LOC128706665: variants seen among roughly 807,000 people sequenced by gnomAD.
the LOC128706665 span, among the ~76,000 whole-genome samples, chr20:10,430,427 CTG>C: frequency 4.7e-5 from 2 of 42,986 alleles, no homozygotes; most frequent in South Asian, 1.6e-3. Context: ...GGCACTTTGT[CTG>C]GGCTCAGTAA....
chr20:10,430,664 G>C, the LOC128706665 span, among the ~76,000 whole-genome samples: 19 of 152,282 alleles, frequency 1.2e-4, no homozygotes, highest in Non-Finnish European at 2.2e-4. Context: ...GTTTGACTAG[G>C]GTAGTGAATC....
chr20:10,426,827 G>A, the LOC128706665 span, among the ~76,000 whole-genome samples: 1 of 152,294 alleles, frequency 6.6e-6, no homozygotes, highest in South Asian at 2.1e-4. Flanking sequence ...GGGCAAAAGA[G>A]TCTATATCCT....
At chr20:10,420,251 C>T in the LOC128706665 span, among the ~76,000 whole-genome samples, 1 of 152,108 alleles carries the variant, frequency 6.6e-6, no homozygotes, top group Non-Finnish European at 1.5e-5. Context: ...GGTAAGGAGT[C>T]AGGGGCTCCT....
chr20:10,432,637 T>C, the LOC128706665 span, among the ~76,000 whole-genome samples: 1 of 151,824 alleles, frequency 6.6e-6, no homozygotes, highest in African/African-American at 2.4e-5. Context: ...TACTAAAAAA[T>C]ACAAAAATTA....
chr20:10,416,696 G>C, the LOC128706665 span, among the ~76,000 whole-genome samples: 1 of 152,188 alleles, frequency 6.6e-6, no homozygotes, highest in Non-Finnish European at 1.5e-5. Context: ...AGTTGTTCCA[G>C]CTAATAAATG....
the LOC128706665 span, among the ~76,000 whole-genome samples, chr20:10,416,270 G>T: frequency 6.6e-6 from 1 of 152,210 alleles, no homozygotes; most frequent in South Asian, 2.1e-4. Context: ...ACAAACAGGT[G>T]AAAGTTTTTC....
At chr20:10,419,220 A>C in the LOC128706665 span, among the ~76,000 whole-genome samples, 6 of 152,148 alleles carry the variant, frequency 3.9e-5, no homozygotes, top group Non-Finnish European at 7.4e-5. Flanking sequence ...ATTCACCTCA[A>C]GGTTAAAAAG....
At chr20:10,421,327 G>C in the LOC128706665 span, among the ~76,000 whole-genome samples, 2 of 151,194 alleles carry the variant, frequency 1.3e-5, no homozygotes, top group Admixed American at 1.3e-4. Flanking sequence ...TGGAGGCTGA[G>C]TCAGGAGACT....
At chr20:10,417,013 T>C in the LOC128706665 span, among the ~76,000 whole-genome samples, 1 of 152,114 alleles carries the variant, frequency 6.6e-6, no homozygotes, top group African/African-American at 2.4e-5. Flanking sequence ...GTTACAGCAA[T>C]GATAATGAAT....
the LOC128706665 span, among the ~76,000 whole-genome samples, chr20:10,433,571 G>A: frequency 2.0e-5 from 3 of 152,192 alleles, no homozygotes; most frequent in Non-Finnish European, 4.4e-5. Context: ...TTATCGGGGA[G>A]GAAGACGAGC....
the LOC128706665 span, among the ~76,000 whole-genome samples, chr20:10,427,514 T>G: frequency 6.6e-6 from 1 of 152,232 alleles, no homozygotes; most frequent in Non-Finnish European, 1.5e-5. Flanking sequence ...ACAATGACAA[T>G]GTTGGCTTTA....
At chr20:10,431,409 C>T in the LOC128706665 span, among the ~76,000 whole-genome samples, 1 of 151,990 alleles carries the variant, frequency 6.6e-6, no homozygotes, top group East Asian at 1.9e-4. Context: ...GACTACTAGC[C>T]TCAGGGGGGA....
chr20:10,425,897 A>T, the LOC128706665 span, among the ~76,000 whole-genome samples: 1 of 152,186 alleles, frequency 6.6e-6, no homozygotes, highest in East Asian at 1.9e-4. Flanking sequence ...AGACTCCTTT[A>T]GAAGGATAGA....
At chr20:10,424,583 A>C in the LOC128706665 span, among the ~76,000 whole-genome samples, 3 of 147,002 alleles carry the variant, frequency 2.0e-5, no homozygotes, top group South Asian at 6.4e-4. Context: ...CTAGTTTTAC[A>C]AAAAAAAAAA....
At chr20:10,425,127 C>A in the LOC128706665 span, among the ~76,000 whole-genome samples, 1 of 151,360 alleles carries the variant, frequency 6.6e-6, no homozygotes, top group Non-Finnish European at 1.5e-5. Context: ...TATAACCTTA[C>A]TTTTTAAAGT....
chr20:10,426,800 A>G, the LOC128706665 span, among the ~76,000 whole-genome samples: 1 of 152,206 alleles, frequency 6.6e-6, no homozygotes, highest in African/African-American at 2.4e-5. Context: ...GGAGGTAAGA[A>G]AAACAAAAAA....
the LOC128706665 span, among the ~76,000 whole-genome samples, chr20:10,433,010 T>C: frequency 2.0e-5 from 3 of 152,136 alleles, no homozygotes; most frequent in Non-Finnish European, 4.4e-5. Flanking sequence ...AGAATGTTTT[T>C]ATTTATTTAT....
the LOC128706665 span, among the ~76,000 whole-genome samples, chr20:10,423,097 C>CT: frequency 6.6e-6 from 1 of 151,976 alleles, no homozygotes; most frequent in African/African-American, 2.4e-5. Context: ...CATTTGTCAG[C>CT]TTTTTTCTGA....
the LOC128706665 span, among the ~76,000 whole-genome samples, chr20:10,421,832 T>C: frequency 0.14 from 21,650 of 151,658 alleles, 1,737 homozygotes; most frequent in East Asian, 0.24. Context: ...CCCAGAAAGA[T>C]GCTATGTTTG....
Sources: allele counts gnomAD v4.1 joint callset (sites outside exome capture counted in the v4.1 genomes callset), GRCh38; gene constraint gnomAD v4.1.1; transcripts MANE v1.5.